The following JAK1 variants were observed in gnomAD, a reference collection of about 807,000 sequenced individuals.
JAK1 encodes the protein tyrosine-protein kinase JAK1.
In JAK1, 16 loss-of-function variants were observed where a neutral mutation model predicts 136.6. The ratio of observed to expected loss-of-function variants is 0.12; its 90% confidence interval spans 0.08 to 0.18. JAK1 has a LOEUF of 0.18. JAK1 is among the 10% of genes least tolerant of loss of function. The pLI is 1.00. For synonymous variants in JAK1, 492 were observed against 519.5 expected (o/e 0.95, Z 0.72); for missense variants, 859 against 1,450.1 (o/e 0.59, Z 6.62).
chr1:64,871,383 T>G (rs958920239), intron 5 of JAK1, among the ~76,000 whole-genome samples: 1 of 152,140 alleles, frequency 6.6e-6, no homozygotes, highest in Non-Finnish European at 1.5e-5. Context: ...CAACAGACTA[T>G]AAAGTAATAG....
intron 1 of JAK1, among the ~76,000 whole-genome samples, chr1:64,965,705 G>T (rs1340414032): frequency 2.0e-5 from 3 of 152,040 alleles, no homozygotes; most frequent in African/African-American, 7.2e-5. Flanking sequence ...CTCGCCCAGG[G>T]TCTCCTTTCC....
chr1:64,866,248 ACT>A (rs1489164976), intron 7 of JAK1, among the ~76,000 whole-genome samples: 2 of 152,058 alleles, frequency 1.3e-5, no homozygotes, highest in Non-Finnish European at 2.9e-5. Flanking sequence ...AGGTGAAATA[ACT>A]CTCCTAAGGC....
At chr1:64,885,747 C>T (rs887314600) in intron 2 of JAK1, among the ~76,000 whole-genome samples, 2 of 149,534 alleles carry the variant, frequency 1.3e-5, no homozygotes, top group East Asian at 1.9e-4. Flanking sequence ...AGCAAGAGTC[C>T]GACTCAAAAA....
At chr1:64,960,611 C>G (rs865902190) in intron 1 of JAK1, among the ~76,000 whole-genome samples, 8 of 152,192 alleles carry the variant, frequency 5.3e-5, no homozygotes, top group African/African-American at 1.9e-4. Flanking sequence ...CACAGTCAAC[C>G]TTCTCTCGCA....
chr1:64,870,036 G>GTGCA, intron 5 of JAK1, among the ~76,000 whole-genome samples: 1 of 152,266 alleles, frequency 6.6e-6, no homozygotes, highest in South Asian at 2.1e-4. Context: ...ACTGATGGAG[G>GTGCA]TGCACAGCAT....
In JAK1 at chr1:64,833,736, A is replaced by C. The variant is rs1654286844; in HGVS notation, c.*826T>G. ...ACCAGTGCTGGAATAGCTTGCCCCA[A>C]AGTGGTAGAGTTATAAAAGGATATA... On this transcript the variant is annotated 3_prime_UTR_variant, in exon 25 of 25. Transcript: ENST00000342505. 1 of 232,932 alleles carries C rather than the reference A, an allele frequency of 4.3e-6. No homozygotes were observed. The highest frequency in any genetic ancestry group is 1.8e-4 in the South Asian group (1 of 5,536). 14.4% of individuals were successfully genotyped at this position (232,932 alleles called of 1,614,324 possible). A position where few individuals can be genotyped will look rare whatever the true frequency, so the allele number is the denominator to read the frequency against.
intron 1 of JAK1, among the ~76,000 whole-genome samples, chr1:65,067,376 T>C (rs1316643081): frequency 6.7e-6 from 1 of 149,112 alleles, no homozygotes; most frequent in African/African-American, 2.4e-5. Context: ...AGCCGCTCTG[T>C]GCGCCCCACG....
At chr1:64,925,075 G>T (rs952122494) in intron 1 of JAK1, among the ~76,000 whole-genome samples, 5 of 152,110 alleles carry the variant, frequency 3.3e-5, no homozygotes, top group African/African-American at 1.2e-4. Flanking sequence ...GGGAGGTTAT[G>T]CAAGTGTGAG....
chr1:64,972,224 T>G (rs1302337073), intron 2 of JAK1: 1 of 152,216 alleles, frequency 6.6e-6, no homozygotes, highest in Admixed American at 6.5e-5. Context: ...AGAAAGCATA[T>G]AGAAAATCAT....
At chr1:64,937,785 T>C (rs1645815477) in intron 1 of JAK1, among the ~76,000 whole-genome samples, 1 of 152,200 alleles carries the variant, frequency 6.6e-6, no homozygotes, top group African/African-American at 2.4e-5. Context: ...ATATTCTACC[T>C]TGGAACAAGG....
At chr1:64,971,714 A>T (rs1383441309) in intron 2 of JAK1, among the ~76,000 whole-genome samples, 1 of 152,116 alleles carries the variant, frequency 6.6e-6, no homozygotes, top group African/African-American at 2.4e-5. Context: ...ACGTGCCAAC[A>T]TGCCTAGCTA....
intron 4 of JAK1, among the ~76,000 whole-genome samples, chr1:64,877,077 C>T (rs769527250): frequency 9.9e-5 from 15 of 152,042 alleles, no homozygotes; most frequent in African/African-American, 2.2e-4. Context: ...TCTCATCATA[C>T]GGGGCAAAGA....
chr1:64,907,862 A>C (rs536542837), intron 1 of JAK1, among the ~76,000 whole-genome samples: 1 of 152,298 alleles, frequency 6.6e-6, no homozygotes, highest in South Asian at 2.1e-4. Flanking sequence ...GGACTACTAA[A>C]AAGCAAAGTA....
chr1:65,063,423 G>A (rs1647895925), intron 1 of JAK1, among the ~76,000 whole-genome samples: 1 of 152,094 alleles, frequency 6.6e-6, no homozygotes, highest in South Asian at 2.1e-4. Flanking sequence ...AATACTTGGG[G>A]TCCCCAATCA....
chr1:64,874,920 G>A (rs559513056), intron 4 of JAK1, among the ~76,000 whole-genome samples: 84 of 152,196 alleles, frequency 5.5e-4, no homozygotes, highest in African/African-American at 1.9e-3. Context: ...GGGAGCAACC[G>A]GTCAGGTCCA....
intron 1 of JAK1, among the ~76,000 whole-genome samples, chr1:64,948,944 C>A (rs17397924): frequency 0.017 from 2,523 of 152,200 alleles, 28 homozygotes; most frequent in Non-Finnish European, 0.027. Context: ...ACCAAGGAAT[C>A]TACAGAACTT....
chr1:64,836,318 T>G (rs1654474902), intron 22 of JAK1, 103 bp from the exon 23 acceptor site: 3 of 727,760 alleles, frequency 4.1e-6, no homozygotes, highest in Non-Finnish European at 7.5e-6. Flanking sequence ...TCTTATAATT[T>G]AATACAGCAT....
At chr1:64,854,641 G>A (rs755633092) in intron 11 of JAK1, among the ~76,000 whole-genome samples, 6 of 151,654 alleles carry the variant, frequency 4.0e-5, no homozygotes, top group South Asian at 2.1e-4. Context: ...CATCAGTGAC[G>A]CCATTCAAGA....
At chr1:64,969,001 T>C (rs1403135899), upstream of JAK1, among the ~76,000 whole-genome samples, 6 of 151,050 alleles carry the variant, frequency 4.0e-5, no homozygotes, top group Non-Finnish European at 5.9e-5. Flanking sequence ...TTCCGACTAC[T>C]TGGGAGGCTG....
Sources: gnomAD v4.1 joint callset for allele counts (sites outside exome capture counted in the v4.1 genomes callset) on GRCh38, gnomAD v4.1.1 for gene constraint, MANE v1.5 for transcripts, NCBI Gene and HGNC (gene_info 2026-07-23, HGNC 2026-07-21) for gene names.